Variants in ATP8A2 observed in about 807,000 individuals in gnomAD.
ATP8A2 encodes ATPase phospholipid transporting 8A2.
Under a neutral mutation model 165.6 loss-of-function variants are expected in ATP8A2, and 100 were observed. The observed-to-expected ratio is 0.60, with a 90% CI of 0.51 to 0.71. ATP8A2 has a LOEUF of 0.71. Among genes scored for constraint, ATP8A2 ranks in the 30% least tolerant of loss-of-function variants. The pLI is 0.00. For missense variants in ATP8A2, 1,227 were observed against 1,479.5 expected (o/e 0.83, Z 2.80); for synonymous variants, 543 against 548.8 (o/e 0.99, Z 0.15).
At chr13:25,497,032 G>A (rs546382339) in intron 2 of ATP8A2, among the ~76,000 whole-genome samples, 4 of 152,206 alleles carry the variant, frequency 2.6e-5, no homozygotes, top group Admixed American at 6.5e-5. Context: ...TGACTCCCTC[G>A]GCAGGCTGCG....
chr13:25,407,238 G>A (rs1161109551), intron 1 of ATP8A2, among the ~76,000 whole-genome samples: 3 of 152,204 alleles, frequency 2.0e-5, no homozygotes, highest in African/African-American at 4.8e-5. Flanking sequence ...TGTGCAGTTT[G>A]GGGGAGGCAA....
chr13:25,458,585 AG>A (rs1347365211), intron 1 of ATP8A2, among the ~76,000 whole-genome samples: 2 of 152,244 alleles, frequency 1.3e-5, no homozygotes, highest in Admixed American at 1.3e-4. Flanking sequence ...GGAATCCAGA[AG>A]AATGGCATGA....
chr13:25,385,183 A>T (rs2032996075), intron 1 of ATP8A2, among the ~76,000 whole-genome samples: 3 of 152,206 alleles, frequency 2.0e-5, no homozygotes, highest in Admixed American at 2.0e-4. Context: ...CTTTTGCTGA[A>T]ATGCCTGCAT....
At position 26,011,116 on chromosome 13, in the gene ATP8A2, C is replaced by T. The variant is rs541747940; in HGVS notation, c.3378-1415C>T. On this transcript the variant is annotated intron_variant, in intron 35 of 36. Transcript: ENST00000381655. ...AGCTTCTTCTACAACTCCGTATCCC[C>T]TCACGTTCCCACAAACGTAAGGGGG... is the stretch of plus-strand genomic sequence containing the variant. 1.0e-3 allele frequency among the ~76,000 whole-genome samples: 159 copies of T among 152,284 alleles called. 1 individual carries two copies. Among genetic ancestry groups the T allele is most frequent in the African/African-American group, 3.6e-3 (151 of 41,552 alleles).
intron 24 of ATP8A2, among the ~76,000 whole-genome samples, chr13:25,662,070 C>A (rs1172499562): frequency 2.6e-5 from 4 of 152,128 alleles, no homozygotes; most frequent in Non-Finnish European, 5.9e-5. Flanking sequence ...TGACCAGGAG[C>A]AAATTACCTA....
chr13:25,723,070 T>C (rs2043415612), intron 25 of ATP8A2, among the ~76,000 whole-genome samples: 1 of 152,276 alleles, frequency 6.6e-6, no homozygotes, highest in Non-Finnish European at 1.5e-5. Context: ...CAACTTACTT[T>C]ATTATTCTCC....
chr13:25,679,794 A>G (rs1052726656), intron 24 of ATP8A2, among the ~76,000 whole-genome samples: 1 of 152,130 alleles, frequency 6.6e-6, no homozygotes, highest in African/African-American at 2.4e-5. Flanking sequence ...ACATGAAGAG[A>G]CCAGTTGATA....
chr13:25,717,753 T>C (rs1593242419), intron 25 of ATP8A2, among the ~76,000 whole-genome samples: 1 of 152,326 alleles, frequency 6.6e-6, no homozygotes, highest in East Asian at 1.9e-4. Context: ...ATATGTTTCC[T>C]TTTCGAGAGA....
At chr13:25,581,776 A>C in intron 22 of ATP8A2, 43 bp from the exon 23 acceptor site, 1 of 1,584,694 alleles carries the variant, frequency 6.3e-7, no homozygotes, top group Non-Finnish European at 8.7e-7. Context: ...TGCTGTTCTT[A>C]AGTATGTGCC....
intron 28 of ATP8A2, among the ~76,000 whole-genome samples, chr13:25,836,819 T>G (rs1389525346): frequency 6.6e-6 from 1 of 152,200 alleles, no homozygotes; most frequent in East Asian, 1.9e-4. Context: ...TTACGTCAGC[T>G]AGCGTGAGCA....
chr13:25,692,001 A>T (rs1233935730), intron 24 of ATP8A2, among the ~76,000 whole-genome samples: 3 of 152,194 alleles, frequency 2.0e-5, no homozygotes, highest in Non-Finnish European at 4.4e-5. Context: ...ACATGATAGT[A>T]AAAAGAATAT....
intron 27 of ATP8A2, among the ~76,000 whole-genome samples, chr13:25,798,348 A>C (rs1010644479): frequency 1.3e-5 from 2 of 152,128 alleles, no homozygotes; most frequent in African/African-American, 4.8e-5. Flanking sequence ...TTCTCTAAGA[A>C]CTTCCTCAGC....
rs1339760240 is a variant in ATP8A2, at chr13:25,372,975, C to T, written c.76+687C>T. Among the ~76,000 whole-genome samples the T allele has an allele frequency of 6.6e-6, 1 of 152,156 alleles. No individual in the cohort carries two copies. Among genetic ancestry groups the T allele is most frequent in the Non-Finnish European group, 1.5e-5 (1 of 68,042 alleles). On this transcript the variant is annotated intron_variant, in intron 1 of 36. Coordinates refer to ENST00000381655, the MANE Select transcript of ATP8A2 (RefSeq NM_016529.6). The surrounding 1 kb of genome is among the most constrained non-coding windows in gnomAD (Gnocchi z 4.8). ...GGGTGTTGGAACTCGAAACCTAAAG[C>T]CAAACACGCATGTACCATACCCGAC...
At chr13:25,829,335 A>T (rs1593412077) in intron 28 of ATP8A2, among the ~76,000 whole-genome samples, 1 of 152,040 alleles carries the variant, frequency 6.6e-6, no homozygotes, top group Non-Finnish European at 1.5e-5. Context: ...TAGGAGTGGT[A>T]AGAACAGGAC....
At chr13:25,952,487 C>T (rs527978665) in intron 33 of ATP8A2, among the ~76,000 whole-genome samples, 4 of 151,980 alleles carry the variant, frequency 2.6e-5, no homozygotes, top group Non-Finnish European at 4.4e-5. Context: ...CCCAAGCGAT[C>T]CCCCCACCTT....
intron 2 of ATP8A2, among the ~76,000 whole-genome samples, chr13:25,494,651 G>A (rs61948573): frequency 0.039 from 5,935 of 152,242 alleles, 145 homozygotes; most frequent in Non-Finnish European, 0.052. Flanking sequence ...TATTCACAGG[G>A]CCTTCATCTG....
intron 26 of ATP8A2, among the ~76,000 whole-genome samples, chr13:25,773,412 G>T (rs2044669620): frequency 6.6e-6 from 1 of 152,256 alleles, no homozygotes; most frequent in Admixed American, 6.5e-5. Context: ...ACACTTTTTG[G>T]GACCTTTATG....
chr13:25,419,562 C>A (rs1271508896), intron 1 of ATP8A2, among the ~76,000 whole-genome samples: 1 of 152,190 alleles, frequency 6.6e-6, no homozygotes, highest in African/African-American at 2.4e-5. Context: ...ACTCACTGGG[C>A]AGCTGGAGTT....
chr13:25,700,885 ATTAG>A, intron 25 of ATP8A2, among the ~76,000 whole-genome samples: 2 of 152,108 alleles, frequency 1.3e-5, no homozygotes, highest in Non-Finnish European at 2.9e-5. Flanking sequence ...TATCTTTTTG[ATTAG>A]TTAGGATGTG....
Sources: allele counts gnomAD v4.1 joint callset (sites outside exome capture counted in the v4.1 genomes callset), GRCh38; gene constraint gnomAD v4.1.1; non-coding constraint Gnocchi (gnomAD v3.1); transcripts MANE v1.5; gene names NCBI Gene and HGNC (gene_info 2026-07-23, HGNC 2026-07-21).